ANK2: variants seen among roughly 807,000 people sequenced by gnomAD.
ANK2 encodes the protein ankyrin 2, also known as ankyrin-2.
In ANK2, 83 loss-of-function variants were observed where a neutral mutation model predicts 360.5. The ratio of observed to expected loss-of-function variants is 0.23; its 90% CI spans 0.19 to 0.28. ANK2 has a LOEUF of 0.28. ANK2 is among the 10% of genes least tolerant of loss of function. ANK2 has a pLI of 1.00. For missense variants in ANK2, 4,201 were observed against 4,795.7 expected, an observed-to-expected ratio of 0.88 and a Z score of 3.66; for synonymous variants, 1,740 against 1,759.5, an observed-to-expected ratio of 0.99 and a Z score of 0.28.
chr4:112,996,127 A>G (rs1274060790), intron 2 of ANK2, among the ~76,000 whole-genome samples: 1 of 152,224 alleles, frequency 6.6e-6, no homozygotes, highest in Non-Finnish European at 1.5e-5. Flanking sequence ...AATACATGCA[A>G]TAACATAGAT....
intron 29 of ANK2, among the ~76,000 whole-genome samples, chr4:113,333,547 A>C (rs951574864): frequency 1.3e-5 from 2 of 152,212 alleles, no homozygotes; most frequent in African/African-American, 4.8e-5. Flanking sequence ...TTGTTGCTTC[A>C]TAACGAAATG....
At chr4:112,710,784 T>A in the ANK2 span, among the ~76,000 whole-genome samples, 1,375 of 151,368 alleles carry the variant, frequency 9.1e-3, 21 homozygotes, top group African/African-American at 0.032. Flanking sequence ...CTGAGAGGAG[T>A]GACTAAAGCT....
intron 2 of ANK2, among the ~76,000 whole-genome samples, chr4:112,932,583 T>TC (rs2093363434): frequency 6.6e-6 from 1 of 151,652 alleles, no homozygotes; most frequent in Non-Finnish European, 1.5e-5. Context: ...CTTTTTTTTT[T>TC]CCTGTAAAGA....
the ANK2 span, among the ~76,000 whole-genome samples, chr4:112,717,091 TA>T: frequency 3.9e-5 from 6 of 152,240 alleles, no homozygotes; most frequent in Admixed American, 3.9e-4. Context: ...ACTAGACTAA[TA>T]TACAAGTTAT....
chr4:112,742,462 C>T, the ANK2 span, among the ~76,000 whole-genome samples: 29 of 150,590 alleles, frequency 1.9e-4, no homozygotes, highest in African/African-American at 6.6e-4. Context: ...GGAGACACAC[C>T]CTAGATAAGA....
Sources: allele counts gnomAD v4.1 joint callset (sites outside exome capture counted in the v4.1 genomes callset), GRCh38; gene constraint gnomAD v4.1.1; transcripts MANE v1.5; gene names NCBI Gene and HGNC (gene_info 2026-07-23, HGNC 2026-07-21).